PCDH11Y: variants seen among roughly 807,000 people sequenced by gnomAD.
PCDH11Y encodes the protein protocadherin-11 Y-linked.
For synonymous variants in PCDH11Y, 9 were observed against 83.6 expected (o/e 0.11, Z 4.87); for missense variants, 12 against 224.8 (o/e 0.05, Z 6.05).
At chrY:5,491,666 C>T in intron 2 of PCDH11Y, among the ~76,000 whole-genome samples, 1 of 28,658 alleles carries the variant, frequency 3.5e-5, no homozygotes, top group African/African-American at 1.4e-4. Flanking sequence ...GGCTGTGACA[C>T]CCTTTTTGGG....
At chrY:5,021,167 G>C in intron 1 of PCDH11Y, among the ~76,000 whole-genome samples, 1 of 33,296 alleles carries the variant, frequency 3.0e-5, no homozygotes, top group Non-Finnish European at 7.4e-5. Context: ...TCACATAGTA[G>C]GGAGATTGAA....
chrY:5,124,966 A>AT (rs35410054), intron 2 of PCDH11Y, among the ~76,000 whole-genome samples: 104 of 30,561 alleles, frequency 3.4e-3, no homozygotes, highest in Admixed American at 5.8e-3. Flanking sequence ...GTTCAACAAC[A>AT]TTTTTTTTTC....
chrY:5,093,381 T>C (rs2052744382), intron 1 of PCDH11Y, among the ~76,000 whole-genome samples: 1 of 33,238 alleles, frequency 3.0e-5, no homozygotes, highest in African/African-American at 1.2e-4. Context: ...CACTTTTGTA[T>C]ACTAGAGATC....
intron 2 of PCDH11Y, among the ~76,000 whole-genome samples, chrY:5,273,456 A>G (rs2053039883): frequency 3.0e-5 from 1 of 33,786 alleles, no homozygotes; most frequent in Admixed American, 2.7e-4. Context: ...ACATCAATCA[A>G]ATACATTTAA....
intron 4 of PCDH11Y, among the ~76,000 whole-genome samples, chrY:5,703,831 C>A (rs2124712291): frequency 3.6e-5 from 1 of 27,551 alleles, no homozygotes; most frequent in Admixed American, 3.1e-4. Flanking sequence ...TTAAGGCCAG[C>A]ATTATTCTCT....
At chrY:5,352,689 A>G (rs1465213601) in intron 2 of PCDH11Y, among the ~76,000 whole-genome samples, 1 of 33,505 alleles carries the variant, frequency 3.0e-5, no homozygotes. Context: ...TATTATTTTA[A>G]TTCTTTCACC....
chrY:5,211,020 G>T, intron 2 of PCDH11Y, among the ~76,000 whole-genome samples: 4 of 30,463 alleles, frequency 1.3e-4, no homozygotes. Flanking sequence ...CTGTAACACG[G>T]TATCACAAAT....
rs2124621646 is a variant in PCDH11Y at position 5,031,949 on chromosome Y, C to T, written c.-90C>T. 1.8e-4 allele frequency: 6 copies of T among 33,407 alleles called. No individual in the cohort carries two copies. The East Asian group carries it at 4.0e-3, about 22-fold the overall frequency. 8.3% of individuals were successfully genotyped at this position (33,407 alleles called of 400,897 possible). A position where few individuals can be genotyped will look rare whatever the true frequency, so the allele number is the denominator to read the frequency against. On this transcript the variant is annotated 5_prime_UTR_variant, in exon 2 of 6. Transcript: ENST00000333703. ...AAGAAGGATTCCACAGATCACATACCAGAGCGGTTTTGCCTCAGCTGCTCT... is the reference window on the plus strand; with the variant it reads ...AAGAAGGATTCCACAGATCACATACTAGAGCGGTTTTGCCTCAGCTGCTCT...
At chrY:5,674,199 C>T (rs1343604095) in intron 4 of PCDH11Y, among the ~76,000 whole-genome samples, 663 of 33,386 alleles carry the variant, frequency 0.02, no homozygotes, top group Non-Finnish European at 0.038. Context: ...TTTACAAACG[C>T]GTATTCTCTA....
intron 3 of PCDH11Y, among the ~76,000 whole-genome samples, chrY:5,574,882 A>G: frequency 3.0e-5 from 1 of 33,073 alleles, no homozygotes; most frequent in East Asian, 8.1e-4. Context: ...ACAAATTCAC[A>G]TACCTACAGT....
intron 1 of PCDH11Y, among the ~76,000 whole-genome samples, chrY:5,082,424 T>A: frequency 3.0e-5 from 1 of 33,361 alleles, no homozygotes; most frequent in Non-Finnish European, 7.4e-5. Flanking sequence ...GAGTCCCTCC[T>A]TTTCAGTTGT....
intron 2 of PCDH11Y, among the ~76,000 whole-genome samples, chrY:5,401,470 T>C (rs2053233882): frequency 3.1e-5 from 1 of 32,781 alleles, no homozygotes; most frequent in Admixed American, 2.8e-4. Flanking sequence ...TCAGGATACA[T>C]GTGCAGAATG....
chrY:5,321,491 C>G (rs2124665783), intron 2 of PCDH11Y, among the ~76,000 whole-genome samples: 1 of 33,152 alleles, frequency 3.0e-5, no homozygotes, highest in East Asian at 8.0e-4. Context: ...TATGGGAAAA[C>G]TTAGGATTAA....
chrY:5,373,845 T>G, intron 2 of PCDH11Y, among the ~76,000 whole-genome samples: 1 of 31,754 alleles, frequency 3.1e-5, no homozygotes, highest in East Asian at 8.3e-4. Context: ...TTGTGTGTAT[T>G]GCATACTCCC....
At chrY:5,646,266 C>CT (rs2053527083) in intron 4 of PCDH11Y, among the ~76,000 whole-genome samples, 14 of 32,978 alleles carry the variant, frequency 4.2e-4, no homozygotes, top group Non-Finnish European at 8.9e-4. Context: ...CATGTTCCCA[C>CT]TTTTTTGTGG....
At chrY:5,708,847 C>T in intron 4 of PCDH11Y, among the ~76,000 whole-genome samples, 2 of 32,226 alleles carry the variant, frequency 6.2e-5, no homozygotes. Flanking sequence ...CTTTGAGAGA[C>T]ATTTAGTCTG....
chrY:5,005,409 C>T, intron 1 of PCDH11Y, among the ~76,000 whole-genome samples: 1 of 33,566 alleles, frequency 3.0e-5, no homozygotes, highest in Non-Finnish European at 7.4e-5. Context: ...AATAAAATTT[C>T]TCTTTAGGCA....
At chrY:5,686,834 T>A in intron 4 of PCDH11Y, among the ~76,000 whole-genome samples, 1 of 33,674 alleles carries the variant, frequency 3.0e-5, no homozygotes, top group African/African-American at 1.2e-4. Flanking sequence ...GGCCAGAACC[T>A]CCAATACTAT....
intron 2 of PCDH11Y, among the ~76,000 whole-genome samples, chrY:5,219,763 C>T (rs2052950529): frequency 3.1e-5 from 1 of 32,607 alleles, no homozygotes; most frequent in Non-Finnish European, 7.5e-5. Flanking sequence ...GCATTTGTTG[C>T]CTATTCTTTT....
Sources: allele counts gnomAD v4.1 joint callset (sites outside exome capture counted in the v4.1 genomes callset), GRCh38; gene constraint gnomAD v4.1.1; transcripts MANE v1.5; gene names NCBI Gene and HGNC (gene_info 2026-07-23, HGNC 2026-07-21).